The following SLC22A15 variants were observed in gnomAD, a reference collection of about 807,000 sequenced individuals.
SLC22A15 encodes flipt 1.
A neutral mutation model predicts 62.7 loss-of-function variants in SLC22A15; 45 were observed. The observed-to-expected ratio is 0.72, with a 90% CI of 0.56 to 0.92. The LOEUF (loss-of-function observed/expected upper bound fraction) is 0.92, where lower values mean the gene tolerates loss of function less well. Ranked by LOEUF, SLC22A15 falls within the 40% of genes least tolerant of loss-of-function variation. The probability of loss-of-function intolerance (pLI) is 0.00; values close to 1 mark genes in which losing one functional copy is unlikely to be tolerated. For missense variants in SLC22A15, 622 were observed against 665.6 expected, an observed-to-expected ratio of 0.93 and a Z score of 0.72; for synonymous variants, 264 against 267.0, an observed-to-expected ratio of 0.99 and a Z score of 0.11.
At chr1:116,050,326 A>G (rs960350213) in intron 8 of SLC22A15, among the ~76,000 whole-genome samples, 6 of 152,218 alleles carry the variant, frequency 3.9e-5, no homozygotes, top group Non-Finnish European at 7.3e-5. Flanking sequence ...CTTGATGAAC[A>G]TAGTTGCTAA....
intron 8 of SLC22A15, among the ~76,000 whole-genome samples, chr1:116,059,840 G>A (rs988463718): frequency 8.5e-5 from 13 of 152,106 alleles, no homozygotes; most frequent in Non-Finnish European, 1.9e-4. Flanking sequence ...TTTTTTGCTG[G>A]TGATCCCAAA....
intron 1 of SLC22A15, among the ~76,000 whole-genome samples, chr1:115,979,293 G>A (rs909316147): frequency 2.0e-5 from 3 of 152,170 alleles, no homozygotes; most frequent in Non-Finnish European, 4.4e-5. Context: ...CTTTGGCTAG[G>A]AGACTTGCCC....
chr1:116,037,414 G>T (rs753634799), intron 8 of SLC22A15, 26 bp downstream of exon 8: 27 of 1,486,878 alleles, frequency 1.8e-5, no homozygotes, highest in African/African-American at 2.8e-5. Context: ...TTCTACAAGG[G>T]TTTTGAACAG....
At chr1:115,978,712 A>G (rs1654447338) in intron 1 of SLC22A15, among the ~76,000 whole-genome samples, 1 of 152,166 alleles carries the variant, frequency 6.6e-6, no homozygotes, top group South Asian at 2.1e-4. Context: ...CCTCTCTACC[A>G]AGTCTGTTGT....
chr1:116,065,534 G>T (rs1007026497), intron 10 of SLC22A15, among the ~76,000 whole-genome samples: 2 of 152,086 alleles, frequency 1.3e-5, no homozygotes, highest in African/African-American at 4.8e-5. Context: ...TCAACAACAG[G>T]CCCACAGTGC....
At chr1:116,003,270 GC>G (rs371149460) in intron 2 of SLC22A15, among the ~76,000 whole-genome samples, 39 of 152,256 alleles carry the variant, frequency 2.6e-4, no homozygotes, top group African/African-American at 9.1e-4. Flanking sequence ...TTTTCCTGGA[GC>G]TGTGAGCTGT....
In SLC22A15 at chr1:115,992,064, C is replaced by A; in HGVS notation, c.121C>A (p.Leu41Met). 1 of 1,613,898 alleles carries A rather than the reference C, an allele frequency of 6.2e-7. No homozygotes were observed. The highest frequency in any genetic ancestry group is 2.2e-5 in the East Asian group (1 of 44,884). ...GGCCACGGAGGCCATCCTCATTGCA[C>A]TGGTTGGGGCCACGCCATCCTACCA... Reference protein sequence around the residue: ...YVATEAILIALVGATPSYHWD... With the variant: ...YVATEAILIAMVGATPSYHWD... The change falls in exon 2 of 12, where the codon CTG (leucine) becomes ATG (methionine). Residue 41 changes from leucine to methionine, a missense_variant. Coordinates refer to ENST00000369503, the MANE Select transcript of SLC22A15 (RefSeq NM_018420.3).
At chr1:116,060,877 T>C (rs1658364011) in intron 8 of SLC22A15, among the ~76,000 whole-genome samples, 1 of 152,108 alleles carries the variant, frequency 6.6e-6, no homozygotes, top group Non-Finnish European at 1.5e-5. Context: ...GCAGAAGAGT[T>C]TGAGAAAGCA....
Position 116,068,253 on chromosome 1 carries a change from A to T in SLC22A15, c.*1145A>T, listed in dbSNP as rs939820729. 6.6e-6 allele frequency: 1 copy of T among 152,668 alleles called. No individual in the cohort carries two copies. The highest frequency in any genetic ancestry group is 2.4e-5 in the African/African-American group (1 of 41,468). 9.5% of individuals were successfully genotyped at this position (152,668 alleles called of 1,614,324 possible). The stretch of plus-strand genomic sequence containing the variant: ...AAACATGTTTTCTCATGAAACTTGA[A>T]TACTATCTCAAATAGGAATATAAAC... On this transcript the variant is annotated 3_prime_UTR_variant, in exon 12 of 12. Coordinates refer to ENST00000369503, the MANE Select transcript of SLC22A15 (RefSeq NM_018420.3).
intron 1 of SLC22A15, among the ~76,000 whole-genome samples, chr1:115,983,051 G>A (rs12726299): frequency 0.47 from 71,134 of 152,070 alleles, 19,071 homozygotes; most frequent in South Asian, 0.61. Flanking sequence ...ATAGAGTTAT[G>A]CCCTTCTGGA....
At position 115,994,270 on chromosome 1, in the gene SLC22A15, C is replaced by T. The variant is rs1480478034; in HGVS notation, c.300+2027C>T. Among the ~76,000 whole-genome samples, 4 of 151,982 alleles carry T rather than the reference C, an allele frequency of 2.6e-5. No individual in the cohort carries two copies. In the East Asian group the frequency reaches 5.8e-4, roughly 22 times the overall value. ...AGCTTTGTTTAATGATTATGATATG[C>T]CAGGGATTGTGATATATGTAAAATT... On this transcript the variant is annotated intron_variant, in intron 2 of 11. Coordinates refer to ENST00000369503, the MANE Select transcript of SLC22A15 (RefSeq NM_018420.3).
rs181661217 is a variant in SLC22A15 at position 116,015,121 on chromosome 1, A to T, written c.301-4461A>T. ...CAAAACATTTAAACCAATATCTCAC[A>T]TGTTGGGAGATGAAGGATGCAGAGG... On this transcript the variant is annotated intron_variant, in intron 2 of 11. Transcript: ENST00000369503. 5.3e-5 allele frequency: 8 copies of T among 152,288 alleles called. No homozygotes were observed. In the East Asian group the frequency reaches 1.5e-3, roughly 29 times the overall value. 9.4% of individuals were successfully genotyped at this position (152,288 alleles called of 1,614,324 possible).
chr1:116,057,682 A>T (rs2101556007), intron 8 of SLC22A15, among the ~76,000 whole-genome samples: 1 of 152,364 alleles, frequency 6.6e-6, no homozygotes. Flanking sequence ...GATAGAGTGG[A>T]TTAAGAAAAT....
At chr1:116,039,622 A>G (rs1206329020) in intron 8 of SLC22A15, among the ~76,000 whole-genome samples, 1 of 152,110 alleles carries the variant, frequency 6.6e-6, no homozygotes, top group Non-Finnish European at 1.5e-5. Flanking sequence ...ATAATTAATA[A>G]CCATTACTAT....
At position 116,031,542 on chromosome 1, in the gene SLC22A15, G is replaced by C; in HGVS notation, c.905G>C (p.Arg302Pro). Residue 302 changes from arginine to proline, a missense_variant, in exon 6 of 12, where the codon CGG becomes CCG. By Grantham distance (103) the Arg-to-Pro change is moderately radical (BLOSUM62 -2). Transcript: ENST00000369503. ...TGSFLDLFRY[R>P]VLLGHTLILM... is the part of the protein sequence containing the mutation. The stretch of plus-strand genomic sequence containing the variant: ...AGTTTCCTGGATCTCTTTCGTTACC[G>C]GGTCCTGTTAGGACACACTTTGATC... 1 of 1,613,892 alleles carries C rather than the reference G, an allele frequency of 6.2e-7. No individual in the cohort carries two copies. The highest frequency in any genetic ancestry group is 8.5e-7 in the Non-Finnish European group (1 of 1,179,852).
chr1:116,060,127 C>T (rs1238151568), intron 8 of SLC22A15, among the ~76,000 whole-genome samples: 1 of 152,196 alleles, frequency 6.6e-6, no homozygotes, highest in South Asian at 2.1e-4. Context: ...GCAAAGCCTT[C>T]CTGAGTATTT....
At position 116,068,998 on chromosome 1, in the gene SLC22A15, A is replaced by G. The variant is rs1658556689; in HGVS notation, c.*1890A>G. 1 of 152,240 alleles carries G rather than the reference A, an allele frequency of 6.6e-6. No individual in the cohort carries two copies. Among genetic ancestry groups the G allele is most frequent in the African/African-American group, 2.4e-5 (1 of 41,472 alleles). 9.4% of individuals were successfully genotyped at this position (152,240 alleles called of 1,614,324 possible). On this transcript the variant is annotated 3_prime_UTR_variant, in exon 12 of 12. Coordinates refer to ENST00000369503, the MANE Select transcript of SLC22A15 (RefSeq NM_018420.3). ...GAAACGTATCACCCATACGTCCAAC[A>G]TCGAAAGAAAACCAGTGTTATGACT...
At chr1:116,050,910 G>C (rs1457895917) in intron 8 of SLC22A15, among the ~76,000 whole-genome samples, 1 of 152,116 alleles carries the variant, frequency 6.6e-6, no homozygotes, top group Non-Finnish European at 1.5e-5. Context: ...GAAATCAGTA[G>C]CTCTTCTATA....
At position 115,987,195 on chromosome 1, in the gene SLC22A15, T is replaced by G. The variant is rs1329984378; in HGVS notation, c.88-4836T>G. On this transcript the variant is annotated intron_variant, in intron 1 of 11. Transcript: ENST00000369503. ...TTTTTTTTTTTTTTGAGACGGAGTC[T>G]TGCTCTGTCACCCAGGCTGGAGTGC... 2.7e-5 allele frequency among the ~76,000 whole-genome samples: 4 copies of G among 150,846 alleles called. No homozygotes were observed. The East Asian group carries it at 7.8e-4, about 29-fold the overall frequency.
Sources: gnomAD v4.1 joint callset for allele counts (sites outside exome capture counted in the v4.1 genomes callset) on GRCh38, gnomAD v4.1.1 for gene constraint, MANE v1.5 for transcripts, NCBI Gene and HGNC (gene_info 2026-07-23, HGNC 2026-07-21) for gene names.